Variants in WDFY4 observed in about 807,000 individuals in gnomAD.
The protein encoded by WDFY4 is WD repeat- and FYVE domain-containing protein 4.
Under a neutral mutation model 351.9 loss-of-function variants are expected in WDFY4, and 169 were observed. The ratio of observed to expected loss-of-function variants is 0.48; its 90% CI spans 0.42 to 0.55. The LOEUF is 0.55. Ranked by LOEUF, WDFY4 falls within the 20% of genes least tolerant of loss-of-function variation. The pLI is 0.00. For missense variants in WDFY4, 3,803 were observed against 3,935.6 expected, an observed-to-expected ratio of 0.97 and a Z score of 0.90; for synonymous variants, 1,622 against 1,574.6, an observed-to-expected ratio of 1.03 and a Z score of -0.71.
chr10:48,809,626 C>G (rs1391275451), intron 28 of WDFY4, among the ~76,000 whole-genome samples: 1 of 152,132 alleles, frequency 6.6e-6, no homozygotes, highest in African/African-American at 2.4e-5. Flanking sequence ...CCATCATCAT[C>G]ATCACCACCA....
chr10:48,735,243 A>G (rs1244857454), intron 10 of WDFY4, among the ~76,000 whole-genome samples: 1 of 152,232 alleles, frequency 6.6e-6, no homozygotes, highest in Non-Finnish European at 1.5e-5. Context: ...TTACTCCAAT[A>G]TCAATCCTGG....
At chr10:48,865,694 G>C (rs1439754996) in intron 39 of WDFY4, among the ~76,000 whole-genome samples, 1 of 152,168 alleles carries the variant, frequency 6.6e-6, no homozygotes, top group East Asian at 1.9e-4. Context: ...CTGGGCCTGG[G>C]CTGGGCTTTT....
At chr10:48,824,365 G>C (rs962311715) in intron 35 of WDFY4, among the ~76,000 whole-genome samples, 2 of 152,170 alleles carry the variant, frequency 1.3e-5, no homozygotes, top group African/African-American at 4.8e-5. Context: ...AATACTATAA[G>C]TATTCTATGA....
At position 48,927,697 on chromosome 10, in the gene WDFY4, A is replaced by C. The variant is rs58675146; in HGVS notation, c.7587-14109A>C. Reference sequence around the variant, plus strand: ...TGCCTGGAAAGCCGTTAGCTGTCAAACTGCCCTCTTTCCCCTAGCGGATAA... The same window carrying C: ...TGCCTGGAAAGCCGTTAGCTGTCAACCTGCCCTCTTTCCCCTAGCGGATAA... On this transcript the variant is annotated intron_variant, in intron 47 of 61. Coordinates refer to ENST00000325239, the MANE Select transcript of WDFY4 (RefSeq NM_001394531.1). Among the ~76,000 whole-genome samples, 1,156 of 152,278 alleles carry C rather than the reference A, an allele frequency of 7.6e-3. 16 individuals carry two copies. The highest frequency in any genetic ancestry group is 0.027 in the African/African-American group (1,108 of 41,556).
Position 48,821,187 on chromosome 10 carries a change from C to T in WDFY4, c.5824+11C>T, listed in dbSNP as rs1565236982. On this transcript the variant is annotated intron_variant, in intron 34 of 61. Transcript: ENST00000325239. ...CAGCGATGTTCAGAGGTGAGTGGGG[C>T]AACTCGGTCCCCTCCATTCATGACA... The T allele has an allele frequency of 4.5e-6, 7 of 1,540,050 alleles. No homozygotes were observed. In the Admixed American group the frequency reaches 7.9e-5, roughly 17 times the overall value.
intron 40 of WDFY4, among the ~76,000 whole-genome samples, chr10:48,871,254 A>G (rs1341304031): frequency 1.4e-4 from 22 of 152,058 alleles, no homozygotes; most frequent in Non-Finnish European, 5.9e-5. Flanking sequence ...TTCTTAAAAA[A>G]CTAATTTGAA....
At chr10:48,688,249 A>G (rs2063105887) in intron 1 of WDFY4, among the ~76,000 whole-genome samples, 1 of 152,220 alleles carries the variant, frequency 6.6e-6, no homozygotes, top group Non-Finnish European at 1.5e-5. Context: ...CGGTATCTGG[A>G]AAGAGCCTCC....
At chr10:48,914,515 C>G (rs754968850) in intron 47 of WDFY4, among the ~76,000 whole-genome samples, 1 of 152,210 alleles carries the variant, frequency 6.6e-6, no homozygotes, top group Non-Finnish European at 1.5e-5. Context: ...ATACTCTCCA[C>G]TGTCCCAGAC....
intron 36 of WDFY4, among the ~76,000 whole-genome samples, chr10:48,828,436 AC>A (rs1194576236): frequency 6.6e-6 from 1 of 152,220 alleles, no homozygotes; most frequent in Non-Finnish European, 1.5e-5. Context: ...TCAATGCCAA[AC>A]AAAGGCAGGG....
intron 24 of WDFY4, among the ~76,000 whole-genome samples, chr10:48,800,718 C>CTTTCTT (rs1271256414): frequency 3.9e-5 from 5 of 127,858 alleles, no homozygotes; most frequent in Non-Finnish European, 7.9e-5. Flanking sequence ...TTCTTTCTTT[C>CTTTCTT]TTTCATTCTT....
At chr10:48,778,539 C>T in intron 17 of WDFY4, 72 bp from the exon 18 acceptor site, 3 of 1,456,660 alleles carry the variant, frequency 2.1e-6, no homozygotes, top group Non-Finnish European at 2.8e-6. Context: ...AAATCAGCAC[C>T]ATAGTGAATC....
intron 1 of WDFY4, among the ~76,000 whole-genome samples, chr10:48,689,499 A>G (rs1043057112): frequency 3.3e-5 from 5 of 152,274 alleles, no homozygotes; most frequent in African/African-American, 1.2e-4. Flanking sequence ...TAGTGAAAAT[A>G]TTTTGGATAT....
chr10:48,760,918 G>C (rs772799852), intron 13 of WDFY4, among the ~76,000 whole-genome samples: 1 of 152,178 alleles, frequency 6.6e-6, no homozygotes, highest in Non-Finnish European at 1.5e-5. Context: ...GGGATGAGGA[G>C]GTAGTGACAG....
chr10:48,736,154 G>C, intron 11 of WDFY4, 84 bp downstream of exon 11: 1 of 1,495,194 alleles, frequency 6.7e-7, no homozygotes, highest in East Asian at 2.5e-5. Flanking sequence ...TTGTATTCAT[G>C]TAATTCAGTT....
chr10:48,862,875 C>T (rs2069393050), intron 39 of WDFY4, among the ~76,000 whole-genome samples: 1 of 152,146 alleles, frequency 6.6e-6, no homozygotes, highest in Admixed American at 6.5e-5. Flanking sequence ...ACTCTTCTAT[C>T]CCCCATCCCT....
intron 58 of WDFY4, among the ~76,000 whole-genome samples, chr10:48,975,767 T>C (rs1355744655): frequency 6.6e-6 from 1 of 151,940 alleles, no homozygotes; most frequent in Admixed American, 6.6e-5. Context: ...AATGGATAGA[T>C]GGATGGACGG....
intron 11 of WDFY4, among the ~76,000 whole-genome samples, chr10:48,738,359 GT>G (rs1330504304): frequency 6.6e-6 from 1 of 152,250 alleles, no homozygotes; most frequent in African/African-American, 2.4e-5. Context: ...TCGTTATGGT[GT>G]TTTACAGATT....
At chr10:48,853,981 C>T (rs541232685) in intron 39 of WDFY4, among the ~76,000 whole-genome samples, 1 of 152,292 alleles carries the variant, frequency 6.6e-6, no homozygotes, top group East Asian at 1.9e-4. Context: ...GATTCTGAGC[C>T]AGAGTATAAC....
At chr10:48,979,541 G>A (rs373981462) in intron 60 of WDFY4, 1 of 152,118 alleles carries the variant, frequency 6.6e-6, no homozygotes, top group East Asian at 1.9e-4. Context: ...AATGCTGGAT[G>A]GATGGGTAAA....
Sources: allele counts gnomAD v4.1 joint callset (sites outside exome capture counted in the v4.1 genomes callset), GRCh38; gene constraint gnomAD v4.1.1; transcripts MANE v1.5; gene names NCBI Gene and HGNC (gene_info 2026-07-23, HGNC 2026-07-21).